LRBA: variants seen among roughly 807,000 people sequenced by gnomAD.
LRBA encodes the protein LPS responsive beige-like anchor protein, also known as lipopolysaccharide-responsive and beige-like anchor protein.
A neutral mutation model predicts 330.0 loss-of-function variants in LRBA; 176 were observed. The ratio of observed to expected loss-of-function variants is 0.53; its 90% CI spans 0.47 to 0.60. LRBA has a LOEUF of 0.60. Ranked by LOEUF, LRBA falls within the 20% of genes least tolerant of loss-of-function variation. The pLI, the probability that LRBA is intolerant of heterozygous loss-of-function variation, is 0.00. For synonymous variants in LRBA, 1,230 were observed against 1,193.0 expected (o/e 1.03, Z -0.64); for missense variants, 3,259 against 3,444.8 (o/e 0.95, Z 1.35).
intron 34 of LRBA, among the ~76,000 whole-genome samples, chr4:150,785,197 C>T (rs918746036): frequency 6.6e-6 from 1 of 152,018 alleles, no homozygotes; most frequent in South Asian, 2.1e-4. Context: ...CAAAGTTGTC[C>T]TCTTATGCTG....
chr4:150,939,353 C>T (rs1182400587), intron 2 of LRBA, among the ~76,000 whole-genome samples: 2 of 152,156 alleles, frequency 1.3e-5, no homozygotes, highest in African/African-American at 4.8e-5. Context: ...GACACATGTA[C>T]ACAGAGAAAA....
intron 28 of LRBA, among the ~76,000 whole-genome samples, chr4:150,838,304 G>A (rs1465964823): frequency 6.6e-6 from 1 of 152,108 alleles, no homozygotes; most frequent in African/African-American, 2.4e-5. Flanking sequence ...TGTTTGTGAT[G>A]TTCTCTGTAT....
chr4:150,930,844 A>G (rs1734410603), intron 2 of LRBA, among the ~76,000 whole-genome samples: 1 of 152,250 alleles, frequency 6.6e-6, no homozygotes, highest in Admixed American at 6.5e-5. Flanking sequence ...AGGAGATGAC[A>G]GCTGGGATTT....
intron 46 of LRBA, among the ~76,000 whole-genome samples, chr4:150,430,446 C>T (rs1225896583): frequency 2.6e-5 from 4 of 152,136 alleles, no homozygotes; most frequent in African/African-American, 9.7e-5. Context: ...CTCCTCTTTC[C>T]TCTTCCTTCT....
intron 44 of LRBA, among the ~76,000 whole-genome samples, chr4:150,454,977 TTA>T (rs1554031254): frequency 0.035 from 2,212 of 63,270 alleles, 48 homozygotes; most frequent in African/African-American, 0.074. Context: ...ATTTTATTTT[TTA>T]TTTTTTTTAT....
At chr4:150,724,747 A>T (rs927336250) in intron 36 of LRBA, among the ~76,000 whole-genome samples, 3 of 151,530 alleles carry the variant, frequency 2.0e-5, no homozygotes, top group East Asian at 1.9e-4. Context: ...TTTTTTTTTT[A>T]AATCAAGCAG....
intron 22 of LRBA, among the ~76,000 whole-genome samples, chr4:150,857,395 A>C (rs1427229864): frequency 1.3e-5 from 2 of 152,184 alleles, no homozygotes; most frequent in African/African-American, 4.8e-5. Flanking sequence ...AAGAACACTG[A>C]CAAAAGAATA....
At chr4:150,898,837 T>G (rs1455218009) in intron 14 of LRBA, among the ~76,000 whole-genome samples, 1 of 152,154 alleles carries the variant, frequency 6.6e-6, no homozygotes, top group Non-Finnish European at 1.5e-5. Flanking sequence ...TCTGACCCGG[T>G]TCTGGATCTG....
At chr4:150,999,351 T>C (rs1172931634) in intron 2 of LRBA, among the ~76,000 whole-genome samples, 1 of 152,036 alleles carries the variant, frequency 6.6e-6, no homozygotes, top group Non-Finnish European at 1.5e-5. Context: ...AAAAAGTAGA[T>C]TCTTCCTCTC....
chr4:150,813,270 A>G (rs962118040), intron 31 of LRBA, among the ~76,000 whole-genome samples: 2 of 152,000 alleles, frequency 1.3e-5, no homozygotes, highest in Non-Finnish European at 2.9e-5. Flanking sequence ...AGATTTTGAT[A>G]TATTTACTAA....
intron 16 of LRBA, among the ~76,000 whole-genome samples, chr4:150,894,168 T>C (rs1229152756): frequency 1.3e-5 from 2 of 152,192 alleles, no homozygotes; most frequent in African/African-American, 4.8e-5. Flanking sequence ...TCTAAAATGC[T>C]ACTAAATGTT....
At chr4:150,929,840 A>T (rs1300562640) in intron 2 of LRBA, among the ~76,000 whole-genome samples, 1 of 152,044 alleles carries the variant, frequency 6.6e-6, no homozygotes, top group Non-Finnish European at 1.5e-5. Flanking sequence ...TTTAATTTAA[A>T]AATACATATA....
intron 38 of LRBA, among the ~76,000 whole-genome samples, chr4:150,591,382 T>A (rs1772808579): frequency 6.6e-6 from 1 of 152,164 alleles, no homozygotes; most frequent in Non-Finnish European, 1.5e-5. Flanking sequence ...TGAAGCCATA[T>A]CTGACACTAA....
rs758157432 is a variant in LRBA at position 150,906,414 on chromosome 4, T to C, written c.1494-9A>G. 1.4e-6 allele frequency: 2 copies of C among 1,473,106 alleles called. No individual in the cohort carries two copies. Among genetic ancestry groups the C allele is most frequent in the Non-Finnish European group, 9.5e-7 (1 of 1,056,436 alleles). 91.3% of individuals were successfully genotyped at this position (1,473,106 alleles called of 1,614,324 possible). On this transcript the variant is annotated splice_polypyrimidine_tract_variant and intron_variant, in intron 11 of 56. Transcript: ENST00000651943. ...AGGCCAGCAAGGTTGAACTAGAATTTTTTAAAAAGGCGATGATTAAAAAAA... is the reference window on the plus strand; with the variant it reads ...AGGCCAGCAAGGTTGAACTAGAATTCTTTAAAAAGGCGATGATTAAAAAAA...
chr4:150,749,167 G>C (rs980844364), intron 35 of LRBA, among the ~76,000 whole-genome samples: 3 of 151,552 alleles, frequency 2.0e-5, no homozygotes, highest in African/African-American at 7.3e-5. Context: ...ACTCCTAAAA[G>C]AAAACATAAG....
At chr4:150,709,124 G>A (rs932519476) in intron 36 of LRBA, among the ~76,000 whole-genome samples, 36 of 151,634 alleles carry the variant, frequency 2.4e-4, no homozygotes, top group Admixed American at 2.4e-3. Context: ...TTCATAGAAG[G>A]GAAATTAAGA....
intron 34 of LRBA, among the ~76,000 whole-genome samples, chr4:150,777,954 C>CA (rs1560804186): frequency 9.2e-6 from 1 of 108,856 alleles, no homozygotes; most frequent in Non-Finnish European, 1.7e-5. Context: ...AGCCTGGAGA[C>CA]AGAGTGAGAC....
At chr4:150,849,346 C>T (rs928860052) in intron 25 of LRBA, 76 bp downstream of exon 25, 23 of 1,317,916 alleles carry the variant, frequency 1.7e-5, no homozygotes, top group African/African-American at 5.8e-5. Context: ...GTAACCACCA[C>T]ATTTAAGTTT....
chr4:150,623,840 C>T (rs766501317), intron 37 of LRBA, among the ~76,000 whole-genome samples: 4 of 151,872 alleles, frequency 2.6e-5, no homozygotes, highest in Admixed American at 6.5e-5. Flanking sequence ...ATATCCACAG[C>T]ACTCTATTTT....
Sources: allele counts gnomAD v4.1 joint callset (sites outside exome capture counted in the v4.1 genomes callset), GRCh38; gene constraint gnomAD v4.1.1; transcripts MANE v1.5; gene names NCBI Gene and HGNC (gene_info 2026-07-23, HGNC 2026-07-21).